The following NIPBL variants were observed in gnomAD, a reference collection of about 807,000 sequenced individuals.
NIPBL encodes the protein NIPBL cohesin loading factor, also known as nipped-B-like protein.
A neutral mutation model predicts 321.8 loss-of-function variants in NIPBL; 19 were observed. That is an observed-to-expected ratio of 0.06 (90% CI 0.04 to 0.09). NIPBL has a LOEUF of 0.09. NIPBL is among the 10% of genes least tolerant of loss of function. NIPBL has a pLI of 1.00. For synonymous variants in NIPBL, 1,106 were observed against 1,114.1 expected (o/e 0.99, Z 0.14); for missense variants, 2,210 against 3,327.0 (o/e 0.66, Z 8.26).
chr5:37,004,180 A>C (rs1483137265), intron 16 of NIPBL, among the ~76,000 whole-genome samples: 1 of 152,188 alleles, frequency 6.6e-6, no homozygotes, highest in Non-Finnish European at 1.5e-5. Flanking sequence ...CTGTTACTAT[A>C]TTTTAATATG....
In NIPBL at chr5:36,909,106, A is replaced by C. The variant is rs781100321; in HGVS notation, c.-80+31928A>C. Among the ~76,000 whole-genome samples, 36 of 152,160 alleles carry C rather than the reference A, an allele frequency of 2.4e-4. No homozygotes were observed. The East Asian group carries it at 5.8e-3, about 25-fold the overall frequency. ...GAGCTGTTGGCATTTTGGACAAGAC[A>C]CTTCTTGTGCTGGACTGCCCTGTGA... On this transcript the variant is annotated intron_variant, in intron 1 of 46. Transcript: ENST00000282516.
In NIPBL at chr5:37,004,065, T is replaced by G. The variant is rs192476534; in HGVS notation, c.3855+718T>G. ...AATATACATTACTCCTTATATACCG[T>G]TTTTATACCTACCTCAAAGGGTTGT... is the stretch of plus-strand genomic sequence containing the variant. On this transcript the variant is annotated intron_variant, in intron 16 of 46. Coordinates refer to ENST00000282516, the MANE Select transcript of NIPBL (RefSeq NM_133433.4). Among the ~76,000 whole-genome samples, 512 of 152,314 alleles carry G rather than the reference T, an allele frequency of 3.4e-3. 2 individuals are homozygous for G. The highest frequency in any genetic ancestry group is 0.012 in the African/African-American group (492 of 41,564).
intron 11 of NIPBL, among the ~76,000 whole-genome samples, chr5:36,997,767 A>G (rs774720284): frequency 5.9e-5 from 9 of 152,208 alleles, no homozygotes; most frequent in Admixed American, 3.9e-4. Flanking sequence ...GATTGTTCAC[A>G]TAAACAACCA....
chr5:36,963,047 A>G (rs891433684), intron 6 of NIPBL, among the ~76,000 whole-genome samples: 1 of 152,124 alleles, frequency 6.6e-6, no homozygotes, highest in Non-Finnish European at 1.5e-5. Context: ...CTTAGATGCA[A>G]AAATTTGAGA....
intron 2 of NIPBL, chr5:36,955,060 CTACTT>C: frequency 6.0e-6 from 1 of 167,520 alleles, no homozygotes; most frequent in Non-Finnish European, 1.3e-5. Flanking sequence ...CGTTACTTGT[CTACTT>C]TATGAAGAGT....
chr5:37,051,469 T>C (rs1348889724), intron 40 of NIPBL: 1 of 347,814 alleles, frequency 2.9e-6, no homozygotes, highest in Non-Finnish European at 5.2e-6. Context: ...TATACATTTG[T>C]AGTCTATATC....
chr5:36,885,920 C>T, intron 1 of NIPBL: 2 of 737,850 alleles, frequency 2.7e-6, no homozygotes, highest in Non-Finnish European at 5.0e-6. Context: ...GGTAGATGCT[C>T]CCAAATCTCA....
chr5:36,897,997 G>A (rs979545432), intron 1 of NIPBL, among the ~76,000 whole-genome samples: 1 of 151,534 alleles, frequency 6.6e-6, no homozygotes, highest in Non-Finnish European at 1.5e-5. Flanking sequence ...CTATTGATTA[G>A]GAACAAAAGA....
intron 6 of NIPBL, among the ~76,000 whole-genome samples, chr5:36,970,388 T>A (rs1190050300): frequency 2.1e-5 from 3 of 142,550 alleles, no homozygotes; most frequent in Non-Finnish European, 3.0e-5. Flanking sequence ...GTAAAAAAAA[T>A]AAATAAATAA....
At chr5:37,036,839 T>C (rs1751755794) in intron 33 of NIPBL, among the ~76,000 whole-genome samples, 1 of 151,948 alleles carries the variant, frequency 6.6e-6, no homozygotes, top group African/African-American at 2.4e-5. Flanking sequence ...ATCTCCTAAG[T>C]CATATAAAAT....
chr5:37,013,985 C>T (rs1748588840), intron 21 of NIPBL, among the ~76,000 whole-genome samples: 1 of 152,240 alleles, frequency 6.6e-6, no homozygotes, highest in Admixed American at 6.5e-5. Flanking sequence ...GCTGGCGGAT[C>T]ACTCGCGGTT....
chr5:36,892,860 G>A (rs188693821), intron 1 of NIPBL, among the ~76,000 whole-genome samples: 3 of 152,190 alleles, frequency 2.0e-5, no homozygotes, highest in African/African-American at 7.2e-5. Context: ...AATGGGTGCA[G>A]CACACCAACA....
At chr5:36,969,098 T>C (rs1742569455) in intron 6 of NIPBL, among the ~76,000 whole-genome samples, 1 of 152,198 alleles carries the variant, frequency 6.6e-6, no homozygotes, top group East Asian at 1.9e-4. Context: ...GGAATAAATT[T>C]AATGAAAGAT....
At chr5:36,913,650 G>C (rs1454976961) in intron 1 of NIPBL, among the ~76,000 whole-genome samples, 1 of 152,080 alleles carries the variant, frequency 6.6e-6, no homozygotes, top group Non-Finnish European at 1.5e-5. Context: ...TGGAATTTCA[G>C]GTGTGAGCCA....
intron 33 of NIPBL, among the ~76,000 whole-genome samples, chr5:37,037,924 C>T (rs1284399231): frequency 6.6e-6 from 1 of 151,224 alleles, no homozygotes; most frequent in Non-Finnish European, 1.5e-5. Context: ...TCTTTTTGTA[C>T]CAGTACCCTT....
chr5:36,918,731 T>G (rs1748679549), intron 1 of NIPBL, among the ~76,000 whole-genome samples: 1 of 152,332 alleles, frequency 6.6e-6, no homozygotes, highest in East Asian at 1.9e-4. Flanking sequence ...GTTTTTAGCA[T>G]GAAGGGCTGT....
chr5:36,982,278 TA>T (rs1279132316), intron 9 of NIPBL: 1 of 902,662 alleles, frequency 1.1e-6, no homozygotes, highest in African/African-American at 1.8e-5. Context: ...TTTCCATGAT[TA>T]TTAGGTGGTT....
chr5:36,932,094 C>A (rs993444196), intron 1 of NIPBL, among the ~76,000 whole-genome samples: 1 of 151,952 alleles, frequency 6.6e-6, no homozygotes, highest in Non-Finnish European at 1.5e-5. Context: ...TAATTTTATT[C>A]TTTTGTTGTC....
At chr5:37,027,906 A>G (rs971216788) in intron 32 of NIPBL, among the ~76,000 whole-genome samples, 1 of 152,102 alleles carries the variant, frequency 6.6e-6, no homozygotes, top group Non-Finnish European at 1.5e-5. Flanking sequence ...GGCATGAGCC[A>G]CTGCGCCTGG....
Sources: allele counts gnomAD v4.1 joint callset (sites outside exome capture counted in the v4.1 genomes callset), GRCh38; gene constraint gnomAD v4.1.1; transcripts MANE v1.5; gene names NCBI Gene and HGNC (gene_info 2026-07-23, HGNC 2026-07-21).